Variants in RPS6KA2 observed in about 807,000 individuals in gnomAD.
The protein encoded by RPS6KA2 is ribosomal protein S6 kinase alpha-2.
In RPS6KA2, 42 loss-of-function variants were observed where a neutral mutation model predicts 91.8. The ratio of observed to expected loss-of-function variants is 0.46; its 90% CI spans 0.36 to 0.59. The LOEUF is 0.59. Ranked by LOEUF, RPS6KA2 falls within the 20% of genes least tolerant of loss-of-function variation. RPS6KA2 has a pLI of 0.00. For missense variants in RPS6KA2, 798 were observed against 978.5 expected (o/e 0.82, Z 2.46); for synonymous variants, 414 against 393.6 (o/e 1.05, Z -0.61).
At chr6:166,550,994 CA>C (rs58796308) in intron 1 of RPS6KA2, among the ~76,000 whole-genome samples, 30,754 of 106,354 alleles carry the variant, frequency 0.29, 4,261 homozygotes, top group East Asian at 0.47. Flanking sequence ...GACTCTATCT[CA>C]AAAAAAAAAA....
At chr6:166,469,679 A>G (rs1448597377) in intron 11 of RPS6KA2, among the ~76,000 whole-genome samples, 162 bp downstream of exon 11, 1 of 152,190 alleles carries the variant, frequency 6.6e-6, no homozygotes, top group Non-Finnish European at 1.5e-5. Context: ...CAGCCCGCTC[A>G]GCAGGGTCCT....
At chr6:166,801,437 G>C (rs1454691514) in intron 2 of RPS6KA2, among the ~76,000 whole-genome samples, 1 of 152,176 alleles carries the variant, frequency 6.6e-6, no homozygotes, top group Non-Finnish European at 1.5e-5. Flanking sequence ...CCAACTCATA[G>C]GCTAAAGTGA....
chr6:166,511,823 C>T (rs557226730), intron 3 of RPS6KA2, among the ~76,000 whole-genome samples: 4 of 152,206 alleles, frequency 2.6e-5, no homozygotes, highest in African/African-American at 9.6e-5. Context: ...ATGTGGAGAA[C>T]TTGGAACCAT....
At chr6:166,631,421 C>T (rs1259580356), upstream of RPS6KA2, among the ~76,000 whole-genome samples, 1 of 152,198 alleles carries the variant, frequency 6.6e-6, no homozygotes, top group African/African-American at 2.4e-5. Flanking sequence ...AGCCCTCATC[C>T]CCCATCCAAC....
intron 2 of RPS6KA2, among the ~76,000 whole-genome samples, chr6:166,824,315 T>C (rs1258569533): frequency 1.3e-5 from 2 of 152,080 alleles, no homozygotes; most frequent in African/African-American, 4.8e-5. Context: ...GGTGCACCAG[T>C]GTACAGAGAA....
chr6:166,772,331 C>T (rs1230427775), intron 2 of RPS6KA2, among the ~76,000 whole-genome samples: 5 of 152,100 alleles, frequency 3.3e-5, no homozygotes, highest in African/African-American at 9.7e-5. Context: ...GATGGCCAGC[C>T]TGGCAGATGA....
chr6:166,684,390 C>G (rs1028165793), intron 2 of RPS6KA2, among the ~76,000 whole-genome samples: 4 of 152,190 alleles, frequency 2.6e-5, no homozygotes, highest in Non-Finnish European at 5.9e-5. Flanking sequence ...GCAGGCCTGC[C>G]CTGAGCTGCT....
At chr6:166,811,048 A>G (rs1186570123) in intron 2 of RPS6KA2, among the ~76,000 whole-genome samples, 1 of 152,254 alleles carries the variant, frequency 6.6e-6, no homozygotes. Flanking sequence ...CAGTTTCTTA[A>G]GGACCAAGAA....
At chr6:166,496,481 C>T (rs1015246127) in intron 8 of RPS6KA2, among the ~76,000 whole-genome samples, 17 of 151,966 alleles carry the variant, frequency 1.1e-4, no homozygotes, top group African/African-American at 4.1e-4. Flanking sequence ...ATCTCCCCTC[C>T]CCCTGTCCCC....
At chr6:166,798,759 C>A (rs1779287142) in intron 2 of RPS6KA2, among the ~76,000 whole-genome samples, 1 of 152,338 alleles carries the variant, frequency 6.6e-6, no homozygotes, top group East Asian at 1.9e-4. Flanking sequence ...GACCCCTTTA[C>A]AATCTCCTGC....
chr6:166,586,254 C>A (rs1785168637), intron 1 of RPS6KA2: 15 of 1,596,276 alleles, frequency 9.4e-6, no homozygotes, highest in South Asian at 2.2e-5. Context: ...TCGATTGTCA[C>A]TTGGCCACCC....
Position 166,792,615 on chromosome 6 carries a change from G to A in RPS6KA2, c.123+65585C>T, listed in dbSNP as rs549583449. ...ATGCAAAAATCCTCAATAAAATACT[G>A]GCAAACCAAATCCAGCAGCACATCA... On this transcript the variant is annotated intron_variant, in intron 2 of 21. Transcript: ENST00000503859. Among the ~76,000 whole-genome samples the A allele has an allele frequency of 2.2e-4, 33 of 152,096 alleles. No homozygotes were observed. The Middle Eastern group carries it at 0.01, about 47-fold the overall frequency.
intron 14 of RPS6KA2, among the ~76,000 whole-genome samples, chr6:166,442,642 G>A (rs774461450): frequency 2.1e-4 from 32 of 152,204 alleles, no homozygotes; most frequent in Non-Finnish European, 4.3e-4. Context: ...TTCAGTTCTC[G>A]GGCAGTTTCC....
Position 166,445,153 on chromosome 6 carries a change from G to A in RPS6KA2, c.1332+3571C>T, listed in dbSNP as rs1257013592. Among the ~76,000 whole-genome samples, 5 of 151,776 alleles carry A rather than the reference G, an allele frequency of 3.3e-5. No individual in the cohort carries two copies. The highest frequency in any genetic ancestry group is 2.1e-4 in the South Asian group (1 of 4,786). On this transcript the variant is annotated intron_variant, in intron 14 of 20. Transcript: ENST00000265678. The surrounding 1 kb of genome is among the most constrained non-coding windows in gnomAD (Gnocchi z 4.5). ...TCACTATGAACCTCCATACCTGACC[G>A]TCATAGAGGTGAAGAGCTGGCCCCA...
At chr6:166,492,179 C>T (rs909880542) in intron 8 of RPS6KA2, among the ~76,000 whole-genome samples, 1 of 152,152 alleles carries the variant, frequency 6.6e-6, no homozygotes, top group East Asian at 1.9e-4. Context: ...GAAACTCTTC[C>T]ACCAGTTCTG....
chr6:166,817,017 C>A (rs761348013), intron 2 of RPS6KA2, among the ~76,000 whole-genome samples: 7 of 152,140 alleles, frequency 4.6e-5, no homozygotes, highest in South Asian at 2.1e-4. Flanking sequence ...CTGTGGTCAC[C>A]TCAAACCATG....
intron 1 of RPS6KA2, chr6:166,586,265 C>A: frequency 1.3e-6 from 2 of 1,597,170 alleles, no homozygotes; most frequent in South Asian, 1.1e-5. Flanking sequence ...TTGGCCACCC[C>A]CATCTGTTGT....
intron 14 of RPS6KA2, among the ~76,000 whole-genome samples, chr6:166,444,790 A>T (rs1023174717): frequency 6.6e-6 from 1 of 152,248 alleles, no homozygotes; most frequent in Admixed American, 6.5e-5. Context: ...CCCTGCTCTA[A>T]GCTGGGCACT....
rs903725072 is a variant in RPS6KA2, at chr6:166,612,156, C to A, written c.99+14765G>T. Among the ~76,000 whole-genome samples, 1 of 152,210 alleles carries A rather than the reference C, an allele frequency of 6.6e-6. No individual in the cohort carries two copies. Among genetic ancestry groups the A allele is most frequent in the African/African-American group, 2.4e-5 (1 of 41,530 alleles). ...AACATCAAGATGCAAGGGCCGCAAT[C>A]TGAGTGTGAGGGCCAGGGAACTCAC... On this transcript the variant is annotated intron_variant, in intron 1 of 20. Transcript: ENST00000265678. The surrounding 1 kb of genome is among the most constrained non-coding windows in gnomAD (Gnocchi z 4.3).
Sources: allele counts gnomAD v4.1 joint callset (sites outside exome capture counted in the v4.1 genomes callset), GRCh38; gene constraint gnomAD v4.1.1; non-coding constraint Gnocchi (gnomAD v3.1); transcripts MANE v1.5; gene names NCBI Gene and HGNC (gene_info 2026-07-23, HGNC 2026-07-21).